Variants in GALNT17 observed in about 807,000 individuals in gnomAD.
GALNT17 encodes polypeptide N-acetylgalactosaminyltransferase 17.
A neutral mutation model predicts 63.7 loss-of-function variants in GALNT17; 29 were observed. The observed-to-expected ratio is 0.46, with a 90% CI of 0.34 to 0.62. The LOEUF (loss-of-function observed/expected upper bound fraction) is 0.62, where lower values mean the gene tolerates loss of function less well. GALNT17 is among the 20% of genes least tolerant of loss of function. The pLI is 0.01. For synonymous variants in GALNT17, 305 were observed against 318.3 expected, an observed-to-expected ratio of 0.96 and a Z score of 0.45; for missense variants, 603 against 799.6, an observed-to-expected ratio of 0.75 and a Z score of 2.97.
chr7:71,693,253 C>CACACACAT lies in GALNT17; in HGVS notation c.1500+15954_1500+15955insTACACACA, dbSNP rs1254699220. ...ATACATATATACACATATATATACA[C>CACACACAT]ACACACACATACACACACACACACA... On this transcript the variant is annotated intron_variant, in intron 9 of 10. Coordinates refer to ENST00000333538, the MANE Select transcript of GALNT17 (RefSeq NM_022479.3). Among the ~76,000 whole-genome samples the CACACACAT allele has an allele frequency of 9.3e-4, 86 of 92,662 alleles. 1 individual carries two copies. The highest frequency in any genetic ancestry group is 4.1e-3 in the African/African-American group (83 of 20,372). 60.8% of individuals were successfully genotyped at this position (92,662 alleles called of 152,430 possible).
At chr7:71,238,687 C>T (rs1583788126) in intron 1 of GALNT17, among the ~76,000 whole-genome samples, 3 of 152,158 alleles carry the variant, frequency 2.0e-5, no homozygotes, top group Admixed American at 2.0e-4. Flanking sequence ...GTTAAACACC[C>T]ATTCATACCA....
chr7:71,193,763 C>A (rs887557363), intron 1 of GALNT17, among the ~76,000 whole-genome samples: 1 of 152,102 alleles, frequency 6.6e-6, no homozygotes, highest in African/African-American at 2.4e-5. Flanking sequence ...ATTCTTATTT[C>A]ATTGATTTCC....
At chr7:71,315,587 A>G (rs1333177116) in intron 1 of GALNT17, among the ~76,000 whole-genome samples, 4 of 152,170 alleles carry the variant, frequency 2.6e-5, no homozygotes, top group East Asian at 1.9e-4. Flanking sequence ...GCTTGTGTTC[A>G]TTATTCCTCC....
At chr7:71,666,202 G>T (rs1245071199) in intron 7 of GALNT17, among the ~76,000 whole-genome samples, 1 of 151,898 alleles carries the variant, frequency 6.6e-6, no homozygotes, top group Non-Finnish European at 1.5e-5. Context: ...GGTATCCACA[G>T]GGGATTTGTT....
intron 8 of GALNT17, among the ~76,000 whole-genome samples, chr7:71,673,384 T>C (rs578090525): frequency 2.0e-5 from 3 of 152,284 alleles, no homozygotes; most frequent in Admixed American, 2.0e-4. Context: ...GAGAAAAATA[T>C]TGATACCATA....
At position 71,610,714 on chromosome 7, in the gene GALNT17, G is replaced by A. The variant is rs1790112686; in HGVS notation, c.1080+39312G>A. ...GGAATATTCAATCTCCATCAAAAAG[G>A]CATGATGCGGTGGCTCATGCCTGCA... On this transcript the variant is annotated intron_variant, in intron 6 of 10. Transcript: ENST00000333538. 3.3e-5 allele frequency among the ~76,000 whole-genome samples: 5 copies of A among 151,990 alleles called. No individual in the cohort carries two copies. In the South Asian group the frequency reaches 1.0e-3, roughly 32 times the overall value.
At chr7:71,237,244 A>G (rs558547004) in intron 1 of GALNT17, among the ~76,000 whole-genome samples, 2 of 152,252 alleles carry the variant, frequency 1.3e-5, no homozygotes, top group South Asian at 4.1e-4. Context: ...TCGGGGGAGT[A>G]GCTGACATTT....
intron 1 of GALNT17, among the ~76,000 whole-genome samples, chr7:71,160,625 A>G (rs934646424): frequency 6.6e-6 from 1 of 151,984 alleles, no homozygotes; most frequent in Non-Finnish European, 1.5e-5. Flanking sequence ...TGCCTGGCTA[A>G]TTTTTGTATT....
intron 9 of GALNT17, among the ~76,000 whole-genome samples, chr7:71,685,100 A>G (rs1791332716): frequency 6.6e-6 from 1 of 152,092 alleles, no homozygotes; most frequent in Non-Finnish European, 1.5e-5. Flanking sequence ...TCTGGAGAGC[A>G]CCTCATATCC....
chr7:71,539,875 C>T (rs528683112), intron 5 of GALNT17, among the ~76,000 whole-genome samples: 2 of 151,578 alleles, frequency 1.3e-5, no homozygotes, highest in African/African-American at 2.4e-5. Flanking sequence ...CAAGTAGGTA[C>T]TCCAGACTTC....
At chr7:71,320,981 C>T (rs1791595754) in intron 1 of GALNT17, among the ~76,000 whole-genome samples, 1 of 152,108 alleles carries the variant, frequency 6.6e-6, no homozygotes. Context: ...CCTCTTTAGC[C>T]CCTCCGATTA....
intron 5 of GALNT17, among the ~76,000 whole-genome samples, chr7:71,514,580 T>C (rs1788416220): frequency 6.6e-6 from 1 of 152,082 alleles, no homozygotes; most frequent in African/African-American, 2.4e-5. Flanking sequence ...TTGGTAAAAA[T>C]CTCCTAACGG....
At chr7:71,295,809 G>A (rs1247499175) in intron 1 of GALNT17, among the ~76,000 whole-genome samples, 2 of 151,952 alleles carry the variant, frequency 1.3e-5, no homozygotes, top group African/African-American at 4.8e-5. Context: ...TGCCCAGGCT[G>A]GTGTCAAACA....
intron 1 of GALNT17, among the ~76,000 whole-genome samples, chr7:71,294,899 A>G (rs1460069355): frequency 6.6e-6 from 1 of 152,172 alleles, no homozygotes; most frequent in African/African-American, 2.4e-5. Context: ...TTTTGAAGTA[A>G]TGTCATTTAA....
chr7:71,701,858 CATATATATATACA>C, intron 9 of GALNT17, among the ~76,000 whole-genome samples: 1 of 21,628 alleles, frequency 4.6e-5, no homozygotes, highest in South Asian at 9.4e-4. Context: ...TATATATACA[CATATATATATACA>C]TATATATATG....
chr7:71,576,529 T>TTGTGTGTGTGTGTGTGTGTGTG (rs3048366), intron 6 of GALNT17, among the ~76,000 whole-genome samples: 9 of 142,910 alleles, frequency 6.3e-5, no homozygotes, highest in African/African-American at 2.3e-4. Flanking sequence ...TTTTTTAACT[T>TTGTGTGTGTGTGTGTGTGTGTG]TGTGTGTGTG....
At chr7:71,154,519 T>C (rs1788194857) in intron 1 of GALNT17, among the ~76,000 whole-genome samples, 1 of 152,202 alleles carries the variant, frequency 6.6e-6, no homozygotes, top group South Asian at 2.1e-4. Context: ...ATAAGCTGTT[T>C]TTGATGATGA....
chr7:71,365,303 G>A (rs1447691095), intron 2 of GALNT17, among the ~76,000 whole-genome samples: 3 of 152,124 alleles, frequency 2.0e-5, no homozygotes, highest in African/African-American at 4.8e-5. Context: ...GCAGTGGTGC[G>A]ATCTCAGCTC....
chr7:71,427,971 C>A (rs1297815881), intron 5 of GALNT17, among the ~76,000 whole-genome samples: 2 of 152,174 alleles, frequency 1.3e-5, no homozygotes, highest in Non-Finnish European at 2.9e-5. Context: ...CCACCCACCA[C>A]CCTTGTCCAT....
Sources: allele counts gnomAD v4.1 joint callset (sites outside exome capture counted in the v4.1 genomes callset), GRCh38; gene constraint gnomAD v4.1.1; transcripts MANE v1.5; gene names NCBI Gene and HGNC (gene_info 2026-07-23, HGNC 2026-07-21).